Variants in NUP85 observed in about 807,000 individuals in gnomAD.
NUP85 encodes the protein nuclear pore complex protein Nup85.
Under a neutral mutation model 92.8 loss-of-function variants are expected in NUP85, and 23 were observed. That is an observed-to-expected ratio of 0.25 (90% confidence interval 0.18 to 0.35). The LOEUF (loss-of-function observed/expected upper bound fraction) is 0.35, where lower values mean the gene tolerates loss of function less well. Ranked by LOEUF, NUP85 falls within the 10% of genes least tolerant of loss-of-function variation. The probability of loss-of-function intolerance (pLI) is 1.00; values close to 1 mark genes in which losing one functional copy is unlikely to be tolerated. For synonymous variants in NUP85, 314 were observed against 306.9 expected, an observed-to-expected ratio of 1.02 and a Z score of -0.24; for missense variants, 759 against 822.8, an observed-to-expected ratio of 0.92 and a Z score of 0.95.
In NUP85 at chr17:75,213,098, T is replaced by C. The variant is rs375748673; in HGVS notation, c.384T>C (p.Asn128=). ...QVAIAAKDPA[N]GRQFSSQVSI... ...TAGTTGCTGCTAAAGATCCAGCCAA[T>C]GGCCGCCAGTTCAGCAGCCAGGTAA... The change falls in exon 5 of 19, where the codon AAT becomes AAC. Residue 128 remains asparagine, a synonymous_variant. Transcript: ENST00000245544. The C allele has an allele frequency of 3.7e-6, 6 of 1,613,546 alleles. No homozygotes were observed. The highest frequency in any genetic ancestry group is 5.1e-6 in the Non-Finnish European group (6 of 1,179,842).
intron 14 of NUP85, among the ~76,000 whole-genome samples, chr17:75,232,431 C>T (rs1330573512): frequency 1.3e-5 from 2 of 152,154 alleles, no homozygotes; most frequent in African/African-American, 4.8e-5. Flanking sequence ...TGAGTTATTA[C>T]CCTGCAGAGA....
intron 11 of NUP85, chr17:75,229,105 A>G (rs2075941279): frequency 2.0e-6 from 2 of 985,476 alleles, no homozygotes; most frequent in Non-Finnish European, 2.4e-6. Context: ...GTGCCCTTCA[A>G]GTCCTCCAAA....
chr17:75,229,097 G>C, intron 11 of NUP85: 1 of 985,462 alleles, frequency 1.0e-6, no homozygotes, highest in African/African-American at 1.7e-5. Context: ...GTTTCCTGGT[G>C]CCCTTCAAGT....
At chr17:75,209,059 G>A (rs899741125) in intron 2 of NUP85, among the ~76,000 whole-genome samples, 2 of 152,222 alleles carry the variant, frequency 1.3e-5, no homozygotes, top group South Asian at 4.1e-4. Context: ...AGATCTTGAA[G>A]ATGTTGAATC....
intron 11 of NUP85, among the ~76,000 whole-genome samples, chr17:75,230,722 T>G (rs11077780): frequency 0.13 from 19,480 of 152,124 alleles, 1,490 homozygotes; most frequent in Middle Eastern, 0.23. Context: ...TCACCTCACA[T>G]AGTGACCCTT....
At chr17:75,225,508 G>T in intron 9 of NUP85, 44 bp downstream of exon 9, 1 of 1,602,008 alleles carries the variant, frequency 6.2e-7, no homozygotes, top group Non-Finnish European at 8.5e-7. Flanking sequence ...GCTTCCTATG[G>T]GGGCTGTGGC....
chr17:75,228,348 C>T (rs947573012), intron 11 of NUP85: 4 of 985,300 alleles, frequency 4.1e-6, no homozygotes, highest in Admixed American at 6.2e-5. Context: ...GTCTCAGCCT[C>T]TCTCCACTCT....
intron 4 of NUP85, 41 bp downstream of exon 4, chr17:75,212,103 TGTGTGTG>T (rs767100820): frequency 1.3e-5 from 18 of 1,414,988 alleles, no homozygotes; most frequent in South Asian, 1.1e-4. Flanking sequence ...TGTGTGTGTG[TGTGTGTG>T]GGTATTTTGA....
chr17:75,235,652 A>G lies in NUP85; in HGVS notation c.1944A>G (p.Ile648Met). Residue 648 changes from isoleucine to methionine, a missense_variant, in exon 19 of 19, where the codon ATA (isoleucine) becomes ATG (methionine). Transcript: ENST00000245544. ...CACGAAATCTTGCTCGGGCAATTATAAGAGAAGGCTCACTGGAAGGTTCCT... is the reference window on the plus strand; with the variant it reads ...CACGAAATCTTGCTCGGGCAATTATGAGAGAAGGCTCACTGGAAGGTTCCT... ...SLARNLARAI[I>M]REGSLEGS 2.5e-6 allele frequency: 4 copies of G among 1,613,954 alleles called. No individual in the cohort carries two copies. Among genetic ancestry groups the G allele is most frequent in the Non-Finnish European group, 3.4e-6 (4 of 1,179,786 alleles).
intron 5 of NUP85, among the ~76,000 whole-genome samples, chr17:75,213,889 T>TG (rs2075350028): frequency 2.6e-5 from 2 of 75,582 alleles, no homozygotes; most frequent in African/African-American, 9.0e-5. Flanking sequence ...TTTTTTTTTT[T>TG]GAGACGGAGT....
chr17:75,229,016 C>A, intron 11 of NUP85: 2 of 985,494 alleles, frequency 2.0e-6, no homozygotes, highest in Non-Finnish European at 1.2e-6. Context: ...GAAGACGGGC[C>A]AGTTCCTTGC....
rs116403928 is a variant in NUP85 at position 75,222,549 on chromosome 17, C to T, written c.598-2554C>T. Among the ~76,000 whole-genome samples the T allele has an allele frequency of 5.7e-3, 759 of 132,328 alleles. 7 individuals carry two copies. Among genetic ancestry groups the T allele is most frequent in the African/African-American group, 0.021 (713 of 33,958 alleles). 86.8% of individuals were successfully genotyped at this position (132,328 alleles called of 152,430 possible). A position where few individuals can be genotyped will look rare whatever the true frequency, so the allele number is the denominator to read the frequency against. ...TGAGATAGAGTTTTGCTCTTGTTGCCCAGGCTGGAGTGCAGTGCCTTGAAT... is the reference window on the plus strand; with the variant it reads ...TGAGATAGAGTTTTGCTCTTGTTGCTCAGGCTGGAGTGCAGTGCCTTGAAT... On this transcript the variant is annotated intron_variant, in intron 7 of 18. Coordinates refer to ENST00000245544, the MANE Select transcript of NUP85 (RefSeq NM_024844.5).
chr17:75,214,355 C>T (rs914771895), intron 5 of NUP85, among the ~76,000 whole-genome samples: 3 of 152,116 alleles, frequency 2.0e-5, no homozygotes, highest in South Asian at 2.1e-4. Flanking sequence ...GGGAAGCCTG[C>T]GTATTCCTAA....
At chr17:75,229,036 A>T (rs2075937487) in intron 11 of NUP85, 1 of 985,364 alleles carries the variant, frequency 1.0e-6, no homozygotes, top group African/African-American at 1.7e-5. Flanking sequence ...CTGTCTGGCA[A>T]GAGGAAACAG....
chr17:75,226,176 C>G lies in NUP85; in HGVS notation c.1094+19C>G. On this transcript the variant is annotated intron_variant, in intron 11 of 18. Transcript: ENST00000245544. ...AGTGCAGGTAGGATCTCTCCCACCC[C>G]CCACTGTAACCATTTTTAGGTGTAC... 4.4e-6 allele frequency: 7 copies of G among 1,592,406 alleles called. No individual in the cohort carries two copies. The highest frequency in any genetic ancestry group is 6.0e-6 in the Non-Finnish European group (7 of 1,160,472).
At chr17:75,210,795 G>A (rs1373871379) in intron 3 of NUP85, among the ~76,000 whole-genome samples, 1 of 151,984 alleles carries the variant, frequency 6.6e-6, no homozygotes, top group African/African-American at 2.4e-5. Context: ...TCTGCCTCCT[G>A]GATTCACGCC....
intron 5 of NUP85, among the ~76,000 whole-genome samples, chr17:75,213,770 T>G (rs1443770401): frequency 6.6e-6 from 1 of 151,892 alleles, no homozygotes; most frequent in Non-Finnish European, 1.5e-5. Flanking sequence ...TCAAAGCTGG[T>G]CTCGAACTCT....
chr17:75,208,571 C>T lies in NUP85; in HGVS notation c.78C>T (p.Asp26=). ...VNSKKNQMYF[D]WGPGEMLVCE... is the part of the protein sequence containing the mutation. ...CCAAGAAGAACCAAATGTATTTTGA[C>T]TGGGGTCCAGGGGAGATGCTGGTAT... Residue 26 remains aspartate, a synonymous_variant, in exon 2 of 19, where the codon GAC becomes GAT. Transcript: ENST00000245544. The T allele has an allele frequency of 6.2e-7, 1 of 1,609,854 alleles. No individual in the cohort carries two copies.
intron 7 of NUP85, among the ~76,000 whole-genome samples, chr17:75,220,752 T>TTTTTG (rs199852369): frequency 5.9e-5 from 9 of 151,542 alleles, no homozygotes; most frequent in Non-Finnish European, 8.8e-5. Flanking sequence ...GCCCAGCTGG[T>TTTTTG]TTTTGTTTTG....
Sources: allele counts gnomAD v4.1 joint callset (sites outside exome capture counted in the v4.1 genomes callset), GRCh38; gene constraint gnomAD v4.1.1; transcripts MANE v1.5; gene names NCBI Gene and HGNC (gene_info 2026-07-23, HGNC 2026-07-21).